LTBP2: variants seen among roughly 807,000 people sequenced by gnomAD.
The protein encoded by LTBP2 is latent-transforming growth factor beta-binding protein 2.
A neutral mutation model predicts 210.6 loss-of-function variants in LTBP2; 103 were observed. That is an observed-to-expected ratio of 0.49 (90% CI 0.42 to 0.58). LTBP2 has a LOEUF of 0.58. Among genes scored for constraint, LTBP2 ranks in the 20% least tolerant of loss-of-function variants. The pLI is 0.00. For missense variants in LTBP2, 2,313 were observed against 2,494.5 expected, an observed-to-expected ratio of 0.93 and a Z score of 1.55; for synonymous variants, 1,007 against 1,015.0, an observed-to-expected ratio of 0.99 and a Z score of 0.15.
At chr14:74,523,984 G>A (rs2139712815) in intron 15 of LTBP2, among the ~76,000 whole-genome samples, 1 of 152,258 alleles carries the variant, frequency 6.6e-6, no homozygotes, top group Non-Finnish European at 1.5e-5. Context: ...GGGTTGTGGG[G>A]GCCCTCAGCT....
intron 18 of LTBP2, among the ~76,000 whole-genome samples, chr14:74,514,588 G>A (rs1337581729): frequency 2.0e-5 from 3 of 152,164 alleles, no homozygotes; most frequent in Non-Finnish European, 4.4e-5. Context: ...TCAGGCAGGG[G>A]CCAGAAGCTC....
Position 74,499,582 on chromosome 14 carries a change from C to CGAA in LTBP2, c.*1299_*1301dup, listed in dbSNP as rs540009806. 7.0e-4 allele frequency: 160 copies of CGAA among 227,896 alleles called. No individual in the cohort carries two copies. Among genetic ancestry groups the CGAA allele is most frequent in the Non-Finnish European group, 1.2e-3 (137 of 114,660 alleles). 14.1% of individuals were successfully genotyped at this position (227,896 alleles called of 1,614,324 possible). On this transcript the variant is annotated 3_prime_UTR_variant, in exon 36 of 36. Coordinates refer to ENST00000261978, the MANE Select transcript of LTBP2 (RefSeq NM_000428.3). ...TACATTGCCATTCATCAGAGAAGTACGAAGTCAGAGCTTTCCTTGTCTTTT... is the reference window on the plus strand; with the variant it reads ...TACATTGCCATTCATCAGAGAAGTACGAAGAAGTCAGAGCTTTCCTTGTCTTTT...
At chr14:74,609,675 AGCCCCAGGG>A (rs1171909526) in intron 1 of LTBP2, among the ~76,000 whole-genome samples, 2 of 152,108 alleles carry the variant, frequency 1.3e-5, no homozygotes, top group African/African-American at 4.8e-5. Flanking sequence ...CTGCCCACAG[AGCCCCAGGG>A]GCCCCAGGTC....
At position 74,510,233 on chromosome 14, in the gene LTBP2, G is replaced by T; in HGVS notation, c.3029-20C>A. ...TCACATCTGTGGGAGAGAAGTCCAA[G>T]ACGGTGGGCTGGCCTCCTCCCCATC... On this transcript the variant is annotated intron_variant, in intron 19 of 35. Transcript: ENST00000261978. 6.2e-7 allele frequency: 1 copy of T among 1,612,406 alleles called. No homozygotes were observed.
At chr14:74,533,426 C>G (rs2087377322) in intron 9 of LTBP2, among the ~76,000 whole-genome samples, 1 of 152,132 alleles carries the variant, frequency 6.6e-6, no homozygotes, top group South Asian at 2.1e-4. Flanking sequence ...GGAGAAGGGG[C>G]AGCCAAGTCC....
intron 2 of LTBP2, among the ~76,000 whole-genome samples, chr14:74,601,457 A>T (rs2088445580): frequency 6.6e-6 from 1 of 152,208 alleles, no homozygotes; most frequent in Non-Finnish European, 1.5e-5. Context: ...GCCCCTGACC[A>T]CTGAGGGCCT....
chr14:74,611,958 T>C lies in LTBP2; in HGVS notation c.-14A>G. ...CCGCGGCCTCATGGCGCGGGGCGGC[T>C]GGAGAGTGGTGCGCGCGGGCACCGC... On this transcript the variant is annotated 5_prime_UTR_variant, in exon 1 of 36. Transcript: ENST00000261978. 1.3e-6 allele frequency: 2 copies of C among 1,555,126 alleles called. No homozygotes were observed. The highest frequency in any genetic ancestry group is 1.7e-6 in the Non-Finnish European group (2 of 1,157,416).
At chr14:74,577,220 AG>A (rs2088069765) in intron 3 of LTBP2, among the ~76,000 whole-genome samples, 1 of 152,226 alleles carries the variant, frequency 6.6e-6, no homozygotes, top group African/African-American at 2.4e-5. Context: ...AAGAGAGAGA[AG>A]GGCTCAACCC....
At chr14:74,579,236 C>T (rs1297625736) in intron 3 of LTBP2, among the ~76,000 whole-genome samples, 1 of 152,198 alleles carries the variant, frequency 6.6e-6, no homozygotes, top group East Asian at 1.9e-4. Flanking sequence ...CTGCCTTCCC[C>T]GCACCTTTGC....
intron 1 of LTBP2, 100 bp downstream of exon 1, chr14:74,611,351 G>C: frequency 7.7e-7 from 1 of 1,295,080 alleles, no homozygotes; most frequent in Non-Finnish European, 1.0e-6. Flanking sequence ...AGAGGGACGA[G>C]GGTATGAGAG....
chr14:74,560,374 C>T (rs2087778838), intron 3 of LTBP2, among the ~76,000 whole-genome samples: 1 of 152,220 alleles, frequency 6.6e-6, no homozygotes, highest in Non-Finnish European at 1.5e-5. Context: ...CCACCACAGT[C>T]TGTTCTCAAC....
intron 3 of LTBP2, among the ~76,000 whole-genome samples, chr14:74,563,922 T>C (rs2087830989): frequency 7.0e-6 from 1 of 143,062 alleles, no homozygotes; most frequent in African/African-American, 2.6e-5. Context: ...TAAAGCAACC[T>C]TGGAAGGATA....
Position 74,522,051 on chromosome 14 carries a change from A to G in LTBP2, c.2660-12T>C, listed in dbSNP as rs1166957045. On this transcript the variant is annotated splice_polypyrimidine_tract_variant and intron_variant, in intron 16 of 35. Coordinates refer to ENST00000261978, the MANE Select transcript of LTBP2 (RefSeq NM_000428.3). ...ACACTCGTTGTCATCTGACCAGAAG[A>G]AGGCAGGGAGGGAGGTCAGGGGGGC... 1 of 1,610,646 alleles carries G rather than the reference A, an allele frequency of 6.2e-7. No homozygotes were observed. Among genetic ancestry groups the G allele is most frequent in the African/African-American group, 1.3e-5 (1 of 74,982 alleles).
Position 74,586,887 on chromosome 14 carries a change from G to C in LTBP2, c.566-769C>G, listed in dbSNP as rs2088213246. On this transcript the variant is annotated intron_variant, in intron 2 of 35. Transcript: ENST00000261978. The surrounding 1 kb of genome is among the most constrained non-coding windows in gnomAD (Gnocchi z 4.6). ...GCCGGCCAGGTAAGTGCCCCGCTCT[G>C]TGGGGCCTCTGTTCAGGCTCAGGCT... Among the ~76,000 whole-genome samples, 1 of 152,206 alleles carries C rather than the reference G, an allele frequency of 6.6e-6. No individual in the cohort carries two copies. Among genetic ancestry groups the C allele is most frequent in the Non-Finnish European group, 1.5e-5 (1 of 68,038 alleles).
chr14:74,526,146 C>T (rs1256711057), intron 13 of LTBP2, 32 bp from the exon 14 acceptor site: 1 of 1,580,840 alleles, frequency 6.3e-7, no homozygotes. Context: ...TCACTTTTGG[C>T]TCCTCTGCCG....
chr14:74,522,590 C>T (rs1431951249), intron 16 of LTBP2, among the ~76,000 whole-genome samples, 200 bp downstream of exon 16: 7 of 151,894 alleles, frequency 4.6e-5, no homozygotes, highest in Non-Finnish European at 8.8e-5. Context: ...GGAGACTCAT[C>T]GGATGGGGCT....
intron 31 of LTBP2, 98 bp downstream of exon 31, chr14:74,503,828 G>C (rs2086947506): frequency 1.9e-6 from 3 of 1,543,790 alleles, no homozygotes; most frequent in African/African-American, 1.4e-5. Flanking sequence ...CCTAGGAAGG[G>C]GGACTCTCAG....
intron 2 of LTBP2, among the ~76,000 whole-genome samples, chr14:74,601,020 C>T (rs972819749): frequency 1.3e-5 from 2 of 152,210 alleles, no homozygotes; most frequent in Non-Finnish European, 2.9e-5. Context: ...CCCAACTCTG[C>T]TCAGTGATTT....
intron 10 of LTBP2, among the ~76,000 whole-genome samples, chr14:74,531,263 G>A (rs950793612): frequency 2.6e-5 from 4 of 152,194 alleles, no homozygotes; most frequent in African/African-American, 9.7e-5. Context: ...GCTGGAGGGA[G>A]TAACACCAGG....
Sources: allele counts gnomAD v4.1 joint callset (sites outside exome capture counted in the v4.1 genomes callset), GRCh38; gene constraint gnomAD v4.1.1; non-coding constraint Gnocchi (gnomAD v3.1); transcripts MANE v1.5; gene names NCBI Gene and HGNC (gene_info 2026-07-23, HGNC 2026-07-21).